Variants in FANCB observed in about 807,000 individuals in gnomAD.
FANCB encodes Fanconi anemia group B protein.
In FANCB, 5 loss-of-function variants were observed where a neutral mutation model predicts 38.9. The ratio of observed to expected loss-of-function variants is 0.13; its 90% confidence interval spans 0.07 to 0.27. FANCB has a LOEUF of 0.27. Among genes scored for constraint, FANCB ranks in the 10% least tolerant of loss-of-function variants. The probability of loss-of-function intolerance (pLI) is 1.00; values close to 1 mark genes in which losing one functional copy is unlikely to be tolerated. For missense variants in FANCB, 573 were observed against 602.7 expected (o/e 0.95, Z 0.52); for synonymous variants, 236 against 215.4 (o/e 1.10, Z -0.84).
the FANCB span, among the ~76,000 whole-genome samples, chrX:14,777,118 C>A: frequency 8.9e-6 from 1 of 112,102 alleles, no homozygotes; most frequent in African/African-American, 3.2e-5. Flanking sequence ...GTTTCTGAAG[C>A]CTTGCCAGGC....
chrX:14,820,748 T>C, the FANCB span, among the ~76,000 whole-genome samples: 3 of 109,536 alleles, frequency 2.7e-5, no homozygotes, highest in South Asian at 1.1e-3. Flanking sequence ...ATCTCAGCTG[T>C]CCAGATCTTT....
chrX:14,822,834 T>C, the FANCB span, among the ~76,000 whole-genome samples: 2 of 111,555 alleles, frequency 1.8e-5, no homozygotes, highest in Non-Finnish European at 3.8e-5. Flanking sequence ...TGCTTCCCTC[T>C]AATGGTTCTG....
the FANCB span, among the ~76,000 whole-genome samples, chrX:14,821,568 C>T: frequency 8.9e-6 from 1 of 112,111 alleles, no homozygotes. Context: ...CAGAGTAAGA[C>T]AAAACATTCA....
chrX:14,799,242 G>A, the FANCB span, among the ~76,000 whole-genome samples: 3 of 111,845 alleles, frequency 2.7e-5, no homozygotes, highest in African/African-American at 9.7e-5. Context: ...CCCCTTTCTT[G>A]AGTGTGTACT....
At chrX:14,791,841 C>T in the FANCB span, among the ~76,000 whole-genome samples, 12 of 112,140 alleles carry the variant, frequency 1.1e-4, no homozygotes, top group Admixed American at 1.1e-3. Context: ...CTATTCTTCT[C>T]TCAGTTGTTA....
chrX:14,863,941 C>T (rs1224148758), intron 3 of FANCB, among the ~76,000 whole-genome samples: 3 of 111,540 alleles, frequency 2.7e-5, no homozygotes, highest in Non-Finnish European at 5.7e-5. Flanking sequence ...TTGAAACCAG[C>T]CTGGCCAACA....
At chrX:14,755,154 C>T in the FANCB span, among the ~76,000 whole-genome samples, 1 of 111,565 alleles carries the variant, frequency 9.0e-6, no homozygotes, top group East Asian at 2.8e-4. Flanking sequence ...TGTACCTCAA[C>T]GTAATAAAGG....
At chrX:14,782,538 C>A in the FANCB span, among the ~76,000 whole-genome samples, 1 of 111,932 alleles carries the variant, frequency 8.9e-6, no homozygotes, top group African/African-American at 3.2e-5. Context: ...TAATTTGTGA[C>A]CCAGTCAGAA....
chrX:14,719,519 G>C, the FANCB span, among the ~76,000 whole-genome samples: 2 of 111,698 alleles, frequency 1.8e-5, no homozygotes, highest in Non-Finnish European at 1.9e-5. Context: ...TCTCACCCCA[G>C]TTAGAATAGC....
At chrX:14,791,449 G>A in the FANCB span, among the ~76,000 whole-genome samples, 1 of 111,865 alleles carries the variant, frequency 8.9e-6, no homozygotes, top group Non-Finnish European at 1.9e-5. Context: ...CCTTGATCTT[G>A]GATGTCCAGC....
chrX:14,710,413 C>T, the FANCB span, among the ~76,000 whole-genome samples: 1 of 111,704 alleles, frequency 9.0e-6, no homozygotes, highest in Admixed American at 9.5e-5. Context: ...CTGTGAACAC[C>T]ATGTGTCAGC....
At chrX:14,838,692 C>T (rs1402930654), downstream of FANCB, among the ~76,000 whole-genome samples, 1 of 111,832 alleles carries the variant, frequency 8.9e-6, no homozygotes, top group Non-Finnish European at 1.9e-5. Flanking sequence ...ATTATCATCA[C>T]CTTGTTTTTT....
the FANCB span, among the ~76,000 whole-genome samples, chrX:14,743,791 T>A: frequency 9.0e-6 from 1 of 111,180 alleles, no homozygotes; most frequent in Admixed American, 9.6e-5. Context: ...AACTCTTCCT[T>A]GCCTTTTCCT....
chrX:14,718,725 G>C, the FANCB span, among the ~76,000 whole-genome samples: 4,192 of 111,814 alleles, frequency 0.037, 166 homozygotes, highest in African/African-American at 0.11. Context: ...CATGTGGCTT[G>C]ACTTCCTCAC....
the FANCB span, among the ~76,000 whole-genome samples, chrX:14,800,574 A>G: frequency 8.9e-6 from 1 of 111,916 alleles, no homozygotes; most frequent in African/African-American, 3.2e-5. Flanking sequence ...AGTTTGTGGT[A>G]CTTTGTTACA....
At chrX:14,866,871 T>C (rs2092471646) in intron 2 of FANCB, among the ~76,000 whole-genome samples, 1 of 111,436 alleles carries the variant, frequency 9.0e-6, no homozygotes, top group African/African-American at 3.3e-5. Flanking sequence ...TTAGAACTAA[T>C]AAATTCAGTA....
At chrX:14,746,757 C>T in the FANCB span, among the ~76,000 whole-genome samples, 1 of 112,240 alleles carries the variant, frequency 8.9e-6, no homozygotes, top group Non-Finnish European at 1.9e-5. Context: ...GGCTGTATCA[C>T]TTTGTGGTTA....
the FANCB span, among the ~76,000 whole-genome samples, chrX:14,740,579 T>C: frequency 8.9e-6 from 1 of 112,290 alleles, no homozygotes; most frequent in South Asian, 3.7e-4. Flanking sequence ...TCACAAGCCA[T>C]ACCATCTCTG....
At chrX:14,795,682 T>G in the FANCB span, among the ~76,000 whole-genome samples, 7 of 112,259 alleles carry the variant, frequency 6.2e-5, no homozygotes, top group East Asian at 2.0e-3. Context: ...AATTTTCTTC[T>G]GAAAATCAAG....
Sources: gnomAD v4.1 joint callset for allele counts (sites outside exome capture counted in the v4.1 genomes callset) on GRCh38, gnomAD v4.1.1 for gene constraint, MANE v1.5 for transcripts, NCBI Gene and HGNC (gene_info 2026-07-23, HGNC 2026-07-21) for gene names.